The following SNX29 variants were observed in gnomAD, a reference collection of about 807,000 sequenced individuals.
The protein encoded by SNX29 is sorting nexin 29, also known as sorting nexin-29.
In SNX29, 78 loss-of-function variants were observed where a neutral mutation model predicts 102.1. The ratio of observed to expected loss-of-function variants is 0.76; its 90% CI spans 0.64 to 0.92. The LOEUF is 0.92. Among genes scored for constraint, SNX29 ranks in the 40% least tolerant of loss-of-function variants. SNX29 has a pLI of 0.00. For missense variants in SNX29, 1,280 were observed against 1,061.7 expected, an observed-to-expected ratio of 1.21 and a Z score of -2.86; for synonymous variants, 580 against 414.5, an observed-to-expected ratio of 1.40 and a Z score of -4.85.
chr16:12,196,163 A>G (rs1165929184), intron 13 of SNX29, among the ~76,000 whole-genome samples: 1 of 151,820 alleles, frequency 6.6e-6, no homozygotes, highest in Non-Finnish European at 1.5e-5. Flanking sequence ...TTTTGTAGAG[A>G]TGGGGTTTCA....
intron 1 of SNX29, among the ~76,000 whole-genome samples, chr16:11,978,601 T>C (rs540067934): frequency 6.6e-6 from 1 of 152,278 alleles, no homozygotes; most frequent in African/African-American, 2.4e-5. Context: ...TGCCTAGTTA[T>C]GAGAGGAGGG....
At chr16:12,398,845 C>G (rs973815888) in intron 17 of SNX29, among the ~76,000 whole-genome samples, 1 of 145,382 alleles carries the variant, frequency 6.9e-6, no homozygotes, top group African/African-American at 2.6e-5. Flanking sequence ...AAAGCTATCC[C>G]CTTTGCACAG....
chr16:12,331,380 C>T (rs1212211883), intron 15 of SNX29, among the ~76,000 whole-genome samples: 1 of 152,170 alleles, frequency 6.6e-6, no homozygotes, highest in Non-Finnish European at 1.5e-5. Context: ...AATTTTTATT[C>T]ATTTTTACCT....
At chr16:12,565,499 G>A (rs1229981683) in intron 20 of SNX29, among the ~76,000 whole-genome samples, 1 of 152,128 alleles carries the variant, frequency 6.6e-6, no homozygotes, top group Non-Finnish European at 1.5e-5. Flanking sequence ...CTCCAAGCCT[G>A]TGTCCCGAGA....
chr16:12,241,091 A>G (rs895705939), intron 14 of SNX29, among the ~76,000 whole-genome samples: 1 of 152,016 alleles, frequency 6.6e-6, no homozygotes, highest in South Asian at 2.1e-4. Flanking sequence ...AAAATTAGCT[A>G]TTTGTGTTTG....
At chr16:12,050,086 C>T (rs1424770123) in intron 7 of SNX29, among the ~76,000 whole-genome samples, 1 of 152,214 alleles carries the variant, frequency 6.6e-6, no homozygotes, top group Admixed American at 6.5e-5. Flanking sequence ...AGCAGAGACC[C>T]TGCACGAACC....
intron 14 of SNX29, among the ~76,000 whole-genome samples, chr16:12,208,597 C>T (rs1027884987): frequency 6.6e-6 from 1 of 152,100 alleles, no homozygotes; most frequent in Non-Finnish European, 1.5e-5. Context: ...CAAGATCAGC[C>T]TGGGCAAGAG....
intron 20 of SNX29, among the ~76,000 whole-genome samples, chr16:12,548,188 C>G (rs942593149): frequency 2.0e-5 from 3 of 152,180 alleles, no homozygotes; most frequent in African/African-American, 7.2e-5. Flanking sequence ...CTTGCTCATC[C>G]CACAGCGCCT....
At chr16:11,997,135 T>C (rs1159318552) in intron 1 of SNX29, among the ~76,000 whole-genome samples, 1 of 152,184 alleles carries the variant, frequency 6.6e-6, no homozygotes, top group Non-Finnish European at 1.5e-5. Context: ...CCTATGTGAC[T>C]GACATCTGCC....
chr16:12,316,150 G>T (rs2080728076), intron 15 of SNX29, among the ~76,000 whole-genome samples: 1 of 152,178 alleles, frequency 6.6e-6, no homozygotes, highest in African/African-American at 2.4e-5. Flanking sequence ...AAAGGTGAAG[G>T]CCAGAAGCAG....
chr16:12,485,877 C>G (rs1413574426), intron 19 of SNX29, among the ~76,000 whole-genome samples: 2 of 152,138 alleles, frequency 1.3e-5, no homozygotes, highest in African/African-American at 2.4e-5. Context: ...CTTGAGGGGC[C>G]ACAGGGCTCC....
At chr16:12,156,766 T>C (rs138836015) in intron 13 of SNX29, among the ~76,000 whole-genome samples, 2 of 152,340 alleles carry the variant, frequency 1.3e-5, no homozygotes, top group African/African-American at 4.8e-5. Flanking sequence ...CTCAGGGCTG[T>C]CTGTTTATCC....
chr16:12,162,623 A>G (rs1251816924), intron 13 of SNX29, among the ~76,000 whole-genome samples: 1 of 152,252 alleles, frequency 6.6e-6, no homozygotes, highest in Non-Finnish European at 1.5e-5. Context: ...AGAAGCCACA[A>G]AAAATACACA....
intron 9 of SNX29, among the ~76,000 whole-genome samples, chr16:12,065,339 C>T (rs370296742): frequency 6.6e-6 from 1 of 152,066 alleles, no homozygotes; most frequent in Non-Finnish European, 1.5e-5. Context: ...GGAGAGCTAC[C>T]CAGGTTTATT....
chr16:12,476,439 T>C (rs1270297153), intron 18 of SNX29, among the ~76,000 whole-genome samples: 2 of 90,754 alleles, frequency 2.2e-5, no homozygotes, highest in Non-Finnish European at 4.1e-5. Flanking sequence ...TATATATATA[T>C]ATATGATGAG....
chr16:12,366,100 A>C (rs1020711510), intron 16 of SNX29, among the ~76,000 whole-genome samples: 1 of 148,248 alleles, frequency 6.7e-6, no homozygotes, highest in African/African-American at 2.5e-5. Context: ...GGGGGTTTGC[A>C]TAGTTGCTTC....
chr16:12,566,691 G>A (rs188793976), intron 20 of SNX29, among the ~76,000 whole-genome samples: 57 of 19,144 alleles, frequency 3.0e-3, no homozygotes, highest in Non-Finnish European at 4.8e-3. Context: ...GAGGCTCTTC[G>A]TAAGTGGGGT....
chr16:12,473,629 G>A (rs2087460091), intron 18 of SNX29, among the ~76,000 whole-genome samples: 2 of 152,186 alleles, frequency 1.3e-5, no homozygotes, highest in South Asian at 4.1e-4. Context: ...GGACGGTTAG[G>A]CATTCTAAGT....
chr16:12,549,169 A>G (rs1030749461), intron 20 of SNX29, among the ~76,000 whole-genome samples: 1 of 152,204 alleles, frequency 6.6e-6, no homozygotes. Context: ...TTTGCTGTTC[A>G]TGGAGTGTCT....
Sources: gnomAD v4.1 joint callset for allele counts (sites outside exome capture counted in the v4.1 genomes callset) on GRCh38, gnomAD v4.1.1 for gene constraint, MANE v1.5 for transcripts, NCBI Gene and HGNC (gene_info 2026-07-23, HGNC 2026-07-21) for gene names.